The following PDZD2 variants were observed in gnomAD, a reference collection of about 807,000 sequenced individuals.
PDZD2 encodes PDZ domain-containing protein 2.
PDZD2 carries 90 observed loss-of-function variants against 220.7 expected under a neutral mutation model. That is an observed-to-expected ratio of 0.41 (90% confidence interval 0.34 to 0.49). PDZD2 has a LOEUF of 0.49. PDZD2 is among the 20% of genes least tolerant of loss of function. The pLI is 0.28. For synonymous variants in PDZD2, 1,375 were observed against 1,450.5 expected (o/e 0.95, Z 1.18); for missense variants, 3,174 against 3,608.5 (o/e 0.88, Z 3.08).
chr5:31,911,558 T>C (rs1743208786), intron 2 of PDZD2, among the ~76,000 whole-genome samples: 1 of 152,248 alleles, frequency 6.6e-6, no homozygotes, highest in African/African-American at 2.4e-5. Context: ...CTCTGTTTTC[T>C]TGCCGAGTCT....
intron 2 of PDZD2, among the ~76,000 whole-genome samples, chr5:31,918,487 G>A (rs1315015932): frequency 6.6e-6 from 1 of 152,172 alleles, no homozygotes; most frequent in Non-Finnish European, 1.5e-5. Context: ...TCTCCTTTGA[G>A]GTTTATTATA....
chr5:31,782,605 T>C (rs544678807), intron 1 of PDZD2, among the ~76,000 whole-genome samples: 1 of 152,002 alleles, frequency 6.6e-6, no homozygotes, highest in African/African-American at 2.4e-5. Context: ...CACCCCCAGG[T>C]CTTGGGAATC....
chr5:32,040,498 G>A (rs1160693484), intron 7 of PDZD2, among the ~76,000 whole-genome samples: 7 of 149,804 alleles, frequency 4.7e-5, no homozygotes, highest in African/African-American at 1.7e-4. Flanking sequence ...GAAATGGGGA[G>A]CGCCTCTGCC....
At chr5:31,959,570 G>A (rs561548453) in intron 2 of PDZD2, among the ~76,000 whole-genome samples, 2 of 150,554 alleles carry the variant, frequency 1.3e-5, no homozygotes, top group African/African-American at 2.4e-5. Context: ...TGTTGGCCAC[G>A]AACTCCTGAC....
At chr5:31,809,471 A>T (rs1008634849) in intron 2 of PDZD2, among the ~76,000 whole-genome samples, 17 of 152,104 alleles carry the variant, frequency 1.1e-4, no homozygotes, top group Non-Finnish European at 2.1e-4. Flanking sequence ...CCCTTCACAC[A>T]CACAGCCTCG....
chr5:31,971,943 T>C (rs1248886165), intron 2 of PDZD2, among the ~76,000 whole-genome samples: 1 of 152,208 alleles, frequency 6.6e-6, no homozygotes, highest in East Asian at 1.9e-4. Context: ...TTTACCACTT[T>C]TACACTGGCT....
intron 1 of PDZD2, among the ~76,000 whole-genome samples, chr5:31,717,645 T>C (rs780474188): frequency 2.0e-5 from 3 of 152,198 alleles, no homozygotes; most frequent in Non-Finnish European, 2.9e-5. Context: ...TAATGAGAGA[T>C]GCCATGTGGC....
chr5:31,885,063 T>C (rs536482048), intron 2 of PDZD2, among the ~76,000 whole-genome samples: 91 of 147,038 alleles, frequency 6.2e-4, no homozygotes, highest in African/African-American at 2.2e-3. Flanking sequence ...ATTAAGTGAA[T>C]ACATAAAAAT....
rs996510146 is a variant in PDZD2, at chr5:31,823,020, A to T, written c.476+23296A>T. On this transcript the variant is annotated intron_variant, in intron 2 of 24. Coordinates refer to ENST00000438447, the MANE Select transcript of PDZD2 (RefSeq NM_178140.4). The stretch of plus-strand genomic sequence containing the variant: ...GAAGACTGAGTTCTACGTTGATGTG[A>T]TTGAAGTCCCTCCGCAGGGTTCCTC... 34 of 1,183,756 alleles carry T rather than the reference A, an allele frequency of 2.9e-5. No homozygotes were observed. The African/African-American group carries it at 4.9e-4, about 17-fold the overall frequency. The allele number at this position is 1,183,756 out of a possible 1,614,324, so 73.3% of individuals were successfully genotyped here.
chr5:32,078,372 C>G (rs1741530528), intron 19 of PDZD2, among the ~76,000 whole-genome samples: 2 of 152,142 alleles, frequency 1.3e-5, no homozygotes, highest in Non-Finnish European at 2.9e-5. Flanking sequence ...TGGCTCATGC[C>G]TGTAATCCCA....
intron 1 of PDZD2, among the ~76,000 whole-genome samples, chr5:31,727,220 GC>G (rs1254572896): frequency 6.6e-6 from 1 of 152,212 alleles, no homozygotes; most frequent in Non-Finnish European, 1.5e-5. Flanking sequence ...TATCTGAAGA[GC>G]CAAGTGAGAA....
chr5:31,813,473 AAAT>A (rs1402774523), intron 2 of PDZD2, among the ~76,000 whole-genome samples: 2 of 148,304 alleles, frequency 1.3e-5, no homozygotes, highest in African/African-American at 5.1e-5. Flanking sequence ...AAAAAAAAAA[AAAT>A]CTAAATATTC....
chr5:32,052,793 T>G (rs1449014498), intron 9 of PDZD2, 63 bp downstream of exon 9: 2 of 1,522,776 alleles, frequency 1.3e-6, no homozygotes, highest in Non-Finnish European at 1.8e-6. Context: ...TTTTTTGTTT[T>G]ATTTTATTTT....
intron 7 of PDZD2, among the ~76,000 whole-genome samples, chr5:32,039,638 C>T (rs1255744098): frequency 4.0e-5 from 6 of 150,134 alleles, no homozygotes; most frequent in South Asian, 2.1e-4. Flanking sequence ...TCTGCCCGGC[C>T]GCCAACCTGT....
Position 31,989,420 on chromosome 5 carries a change from T to TTTTTTTTTTTTTTTTTTATTTTTA in PDZD2, c.978+5764_978+5765insTTTTTTTTTTTTTTTTTATTTTTA, listed in dbSNP as rs1561277778. Among the ~76,000 whole-genome samples, 71 of 136,804 alleles carry TTTTTTTTTTTTTTTTTTATTTTTA rather than the reference T, an allele frequency of 5.2e-4. 1 individual carries two copies. The highest frequency in any genetic ancestry group is 2.0e-3 in the African/African-American group (67 of 33,708). The allele number at this position is 136,804 out of a possible 152,430, so 89.7% of individuals were successfully genotyped here. A position where few individuals can be genotyped will look rare whatever the true frequency, so the allele number is the denominator to read the frequency against. ...CTGTGGTATATACCACATTTTCTTT[T>TTTTTTTTTTTTTTTTTTATTTTTA]CTTTTTTTTTTTTTTTTTTTGAGAC... On this transcript the variant is annotated intron_variant, in intron 3 of 24. Coordinates refer to ENST00000438447, the MANE Select transcript of PDZD2 (RefSeq NM_178140.4).
chr5:31,910,896 A>C (rs1223150996), intron 2 of PDZD2, among the ~76,000 whole-genome samples: 1 of 152,116 alleles, frequency 6.6e-6, no homozygotes, highest in Non-Finnish European at 1.5e-5. Flanking sequence ...TGGTGAGATT[A>C]TCTCCCCTAG....
At chr5:31,862,334 C>A (rs1468765970) in intron 2 of PDZD2, among the ~76,000 whole-genome samples, 1 of 151,550 alleles carries the variant, frequency 6.6e-6, no homozygotes, top group Non-Finnish European at 1.5e-5. Context: ...AAACTCCTGA[C>A]CTCAGATGAT....
chr5:31,983,688 T>C, intron 3 of PDZD2, 32 bp downstream of exon 3: 1 of 1,585,320 alleles, frequency 6.3e-7, no homozygotes, highest in Non-Finnish European at 8.6e-7. Context: ...GAACCAGAAT[T>C]TTATTTATCG....
At position 31,874,715 on chromosome 5, in the gene PDZD2, C is replaced by T. The variant is rs1474047244; in HGVS notation, c.476+74991C>T. Among the ~76,000 whole-genome samples, 11 of 147,544 alleles carry T rather than the reference C, an allele frequency of 7.5e-5. No individual in the cohort carries two copies. The South Asian group carries it at 1.4e-3, about 18-fold the overall frequency. On this transcript the variant is annotated intron_variant, in intron 2 of 24. Coordinates refer to ENST00000438447, the MANE Select transcript of PDZD2 (RefSeq NM_178140.4). ...GGCAGAGGTTGCAGTGAGCTGAGAT[C>T]GTGCCACTACACTCCAGTCTGGGCA...
Sources: allele counts gnomAD v4.1 joint callset (sites outside exome capture counted in the v4.1 genomes callset), GRCh38; gene constraint gnomAD v4.1.1; transcripts MANE v1.5; gene names NCBI Gene and HGNC (gene_info 2026-07-23, HGNC 2026-07-21).